Variants in DLG2 observed in about 807,000 individuals in gnomAD.
DLG2 encodes the protein discs large MAGUK scaffold protein 2, also known as disks large homolog 2.
Under a neutral mutation model 132.5 loss-of-function variants are expected in DLG2, and 45 were observed. The ratio of observed to expected loss-of-function variants is 0.34; its 90% CI spans 0.27 to 0.44. DLG2 has a LOEUF of 0.44. Ranked by LOEUF, DLG2 falls within the 20% of genes least tolerant of loss-of-function variation. The probability of loss-of-function intolerance (pLI) is 1.00; values close to 1 mark genes in which losing one functional copy is unlikely to be tolerated. For missense variants in DLG2, 1,045 were observed against 1,196.9 expected, an observed-to-expected ratio of 0.87 and a Z score of 1.87; for synonymous variants, 424 against 419.6, an observed-to-expected ratio of 1.01 and a Z score of -0.13.
At chr11:84,725,117 T>C (rs1406418860) in intron 6 of DLG2, among the ~76,000 whole-genome samples, 1 of 152,172 alleles carries the variant, frequency 6.6e-6, no homozygotes, top group Non-Finnish European at 1.5e-5. Flanking sequence ...CTATGGCTTA[T>C]TCGAGTGACA....
At chr11:83,848,194 G>T (rs1472940724) in intron 16 of DLG2, among the ~76,000 whole-genome samples, 2 of 141,854 alleles carry the variant, frequency 1.4e-5, no homozygotes, top group African/African-American at 5.3e-5. Flanking sequence ...AATTGTGTTT[G>T]TTTGTTTGCT....
chr11:83,962,522 T>C (rs983964614), intron 14 of DLG2, among the ~76,000 whole-genome samples: 1 of 152,070 alleles, frequency 6.6e-6, no homozygotes, highest in African/African-American at 2.4e-5. Flanking sequence ...ACTAACCAAA[T>C]ATATAATATT....
chr11:85,533,010 G>A (rs1325166416), intron 3 of DLG2, among the ~76,000 whole-genome samples: 2 of 150,102 alleles, frequency 1.3e-5, no homozygotes, highest in Non-Finnish European at 3.0e-5. Flanking sequence ...AGGTGTTTTT[G>A]TTGTTGTTGT....
chr11:84,500,582 T>C (rs2099201213), intron 7 of DLG2, among the ~76,000 whole-genome samples: 1 of 152,192 alleles, frequency 6.6e-6, no homozygotes, highest in South Asian at 2.1e-4. Context: ...AAGTGTAATC[T>C]AGCTTTCGTC....
intron 3 of DLG2, among the ~76,000 whole-genome samples, chr11:85,338,586 A>T (rs2082281245): frequency 6.6e-6 from 1 of 152,184 alleles, no homozygotes; most frequent in South Asian, 2.1e-4. Flanking sequence ...TAATATTTCC[A>T]TATTACCAGA....
At chr11:83,498,052 A>T (rs1043339698) in intron 21 of DLG2, among the ~76,000 whole-genome samples, 1 of 152,052 alleles carries the variant, frequency 6.6e-6, no homozygotes, top group Non-Finnish European at 1.5e-5. Context: ...TCTTCATTTT[A>T]AAAAAATGTA....
chr11:84,516,614 C>G (rs967388788), intron 7 of DLG2, among the ~76,000 whole-genome samples: 3 of 151,384 alleles, frequency 2.0e-5, no homozygotes, highest in Non-Finnish European at 4.4e-5. Flanking sequence ...CCTTTAGTGT[C>G]TAATTCTATT....
At chr11:83,807,084 G>C (rs2046102337) in intron 17 of DLG2, among the ~76,000 whole-genome samples, 1 of 152,148 alleles carries the variant, frequency 6.6e-6, no homozygotes, top group African/African-American at 2.4e-5. Flanking sequence ...AAAACTAGAA[G>C]CAGCAACAGA....
intron 3 of DLG2, among the ~76,000 whole-genome samples, chr11:85,595,307 CTGAT>C (rs1386112685): frequency 1.2e-4 from 18 of 151,968 alleles, no homozygotes; most frequent in Non-Finnish European, 2.2e-4. Flanking sequence ...TTAATGAACA[CTGAT>C]TATTATTATT....
chr11:84,055,473 G>A (rs984754039), intron 11 of DLG2, among the ~76,000 whole-genome samples: 4 of 152,004 alleles, frequency 2.6e-5, no homozygotes, highest in Admixed American at 6.6e-5. Flanking sequence ...CAAATATGGT[G>A]AACAAAGCTA....
intron 7 of DLG2, among the ~76,000 whole-genome samples, chr11:84,350,631 T>C (rs571032912): frequency 6.6e-6 from 1 of 152,366 alleles, no homozygotes; most frequent in African/African-American, 2.4e-5. Context: ...CATATAGTTA[T>C]ACAGTTAGCA....
chr11:83,728,598 T>C (rs2090449201), intron 18 of DLG2, among the ~76,000 whole-genome samples: 1 of 152,246 alleles, frequency 6.6e-6, no homozygotes, highest in South Asian at 2.1e-4. Context: ...GGCTGAAGGT[T>C]CCACTGGTAT....
At chr11:83,944,697 A>G (rs998366863) in intron 14 of DLG2, among the ~76,000 whole-genome samples, 6 of 152,238 alleles carry the variant, frequency 3.9e-5, no homozygotes, top group African/African-American at 1.2e-4. Flanking sequence ...TTAGGACAAT[A>G]CATTCCAATC....
chr11:84,159,213 T>A (rs1223248454), intron 9 of DLG2, among the ~76,000 whole-genome samples: 1 of 152,120 alleles, frequency 6.6e-6, no homozygotes, highest in East Asian at 1.9e-4. Context: ...ATAAATCACT[T>A]TATATTTATA....
chr11:85,471,372 C>A (rs1342885250), intron 3 of DLG2, among the ~76,000 whole-genome samples: 1 of 151,760 alleles, frequency 6.6e-6, no homozygotes, highest in Non-Finnish European at 1.5e-5. Flanking sequence ...TGAAAAATAG[C>A]CGACCTATCA....
At chr11:83,791,655 C>T (rs1295874676) in intron 17 of DLG2, 5 of 325,814 alleles carry the variant, frequency 1.5e-5, no homozygotes, top group Non-Finnish European at 2.3e-5. Flanking sequence ...GATGGTCAGC[C>T]GGGCGCGGTG....
chr11:84,148,580 A>T (rs551033765), intron 9 of DLG2, among the ~76,000 whole-genome samples: 3 of 152,208 alleles, frequency 2.0e-5, no homozygotes, highest in Admixed American at 6.5e-5. Flanking sequence ...GTAGTATTCC[A>T]TGTAAATGTA....
At chr11:85,402,052 G>C (rs931313025) in intron 3 of DLG2, among the ~76,000 whole-genome samples, 1 of 151,830 alleles carries the variant, frequency 6.6e-6, no homozygotes, top group Non-Finnish European at 1.5e-5. Flanking sequence ...TAAACAAAAA[G>C]AACAAAGCTG....
At chr11:84,238,061 A>AAAAG (rs1567026404) in intron 8 of DLG2, among the ~76,000 whole-genome samples, 3 of 150,560 alleles carry the variant, frequency 2.0e-5, no homozygotes, top group South Asian at 2.1e-4. Flanking sequence ...AAAAAAAAAA[A>AAAAG]AAAGAAAGAA....
Sources: allele counts gnomAD v4.1 joint callset (sites outside exome capture counted in the v4.1 genomes callset), GRCh38; gene constraint gnomAD v4.1.1; transcripts MANE v1.5; gene names NCBI Gene and HGNC (gene_info 2026-07-23, HGNC 2026-07-21).